Variants in LAMA4 observed in about 807,000 individuals in gnomAD.
LAMA4 encodes laminin subunit alpha 4.
A neutral mutation model predicts 207.1 loss-of-function variants in LAMA4; 127 were observed. The ratio of observed to expected loss-of-function variants is 0.61; its 90% CI spans 0.53 to 0.71. The LOEUF is 0.71. Among genes scored for constraint, LAMA4 ranks in the 30% least tolerant of loss-of-function variants. LAMA4 has a pLI of 0.00. For missense variants in LAMA4, 2,093 were observed against 2,246.5 expected (o/e 0.93, Z 1.38); for synonymous variants, 761 against 816.0 (o/e 0.93, Z 1.15).
At chr6:112,175,987 C>G (rs2114884184) in intron 10 of LAMA4, among the ~76,000 whole-genome samples, 1 of 152,178 alleles carries the variant, frequency 6.6e-6, no homozygotes, top group East Asian at 1.9e-4. Context: ...AGCTTTAAGC[C>G]CAAATGAGAG....
rs1778071559 is a variant in LAMA4, at chr6:112,117,214, T to A, written c.4981+525A>T. Among the ~76,000 whole-genome samples, 1 of 152,158 alleles carries A rather than the reference T, an allele frequency of 6.6e-6. No individual in the cohort carries two copies. The highest frequency in any genetic ancestry group is 2.4e-5 in the African/African-American group (1 of 41,420). On this transcript the variant is annotated intron_variant, in intron 35 of 38. Coordinates refer to ENST00000230538, the MANE Select transcript of LAMA4 (RefSeq NM_001105206.3). This position sits in a 1 kb window ranked among gnomAD's most constrained non-coding sequence, Gnocchi z 4.5. The stretch of plus-strand genomic sequence containing the variant: ...TTTATTTATTTTTAGAACTGTTATG[T>A]CCCATCATCTGGCATAGGGACTGCC...
At chr6:112,206,750 T>C (rs1554354380) in intron 4 of LAMA4, among the ~76,000 whole-genome samples, 1 of 152,214 alleles carries the variant, frequency 6.6e-6, no homozygotes, top group African/African-American at 2.4e-5. Flanking sequence ...GAGACTATCC[T>C]TGCTTATAAA....
chr6:112,169,858 T>C (rs1781610310), intron 12 of LAMA4, among the ~76,000 whole-genome samples: 1 of 152,238 alleles, frequency 6.6e-6, no homozygotes, highest in Non-Finnish European at 1.5e-5. Flanking sequence ...AGTCTCTTCA[T>C]ATAGGCAACA....
chr6:112,189,061 A>C, intron 7 of LAMA4, 49 bp downstream of exon 7: 1 of 1,307,502 alleles, frequency 7.6e-7, no homozygotes. Context: ...CCACACCTGC[A>C]GCACATTAGA....
Position 112,122,100 on chromosome 6 carries a change from A to G in LAMA4, c.4389T>C (p.Pro1463=), listed in dbSNP as rs782791838. The G allele has an allele frequency of 1.2e-6, 2 of 1,613,766 alleles. No individual in the cohort carries two copies. Among genetic ancestry groups the G allele is most frequent in the East Asian group, 4.5e-5 (2 of 44,870 alleles). ...RNSHCHLSNS[P]RAIEHAYQYG... ...ATTGATAGGCGTGCTCTATTGCTCTAGGGCTGTTGGAAAGGTGGCAATGAG... is the reference window on the plus strand; with the variant it reads ...ATTGATAGGCGTGCTCTATTGCTCTGGGGCTGTTGGAAAGGTGGCAATGAG... Residue 1463 remains proline, a synonymous_variant, in exon 32 of 39, where the codon CCT becomes CCC. Transcript: ENST00000230538.
chr6:112,142,365 T>C, intron 19 of LAMA4, 73 bp from the exon 20 acceptor site: 9 of 1,369,588 alleles, frequency 6.6e-6, no homozygotes, highest in Non-Finnish European at 9.4e-6. Context: ...GCTTCCCTCA[T>C]TCGTGACAGG....
At chr6:112,144,720 C>G (rs529512095) in intron 19 of LAMA4, 74 bp downstream of exon 19, 48 of 1,545,830 alleles carry the variant, frequency 3.1e-5, no homozygotes, top group Non-Finnish European at 4.1e-5. Flanking sequence ...GCTCTGGAAG[C>G]TGCCCAAGCA....
intron 18 of LAMA4, among the ~76,000 whole-genome samples, chr6:112,147,833 C>T (rs1554334854): frequency 6.6e-6 from 1 of 151,918 alleles, no homozygotes; most frequent in African/African-American, 2.4e-5. Context: ...GATTATTTAC[C>T]CAACATTTGA....
intron 25 of LAMA4, among the ~76,000 whole-genome samples, chr6:112,135,562 T>C (rs1779290681): frequency 6.6e-6 from 1 of 152,218 alleles, no homozygotes; most frequent in Non-Finnish European, 1.5e-5. Flanking sequence ...TATTAAGTTG[T>C]ATATTTAAAA....
At chr6:112,245,468 A>G (rs1334994833) in intron 2 of LAMA4, among the ~76,000 whole-genome samples, 1 of 152,186 alleles carries the variant, frequency 6.6e-6, no homozygotes, top group Non-Finnish European at 1.5e-5. Flanking sequence ...CATAGACAAC[A>G]GTGTTCCATG....
intron 18 of LAMA4, among the ~76,000 whole-genome samples, chr6:112,145,956 CTA>C (rs1375013276): frequency 1.3e-5 from 2 of 152,068 alleles, no homozygotes; most frequent in Non-Finnish European, 2.9e-5. Flanking sequence ...TTTTCCTTTT[CTA>C]TGTTTTCTTC....
At chr6:112,141,326 C>T in intron 21 of LAMA4, 32 bp downstream of exon 21, 3 of 1,607,474 alleles carry the variant, frequency 1.9e-6, no homozygotes, top group Non-Finnish European at 2.6e-6. Context: ...GTGATATGTG[C>T]ATATATGCCC....
chr6:112,182,044 C>G (rs1429679294), intron 9 of LAMA4, among the ~76,000 whole-genome samples: 4 of 151,968 alleles, frequency 2.6e-5, no homozygotes, highest in Non-Finnish European at 5.9e-5. Context: ...TTGCAGTGAG[C>G]CGAGATTGCG....
chr6:112,109,658 T>G (rs1376001164), intron 38 of LAMA4, 76 bp from the exon 39 acceptor site: 1 of 1,428,386 alleles, frequency 7.0e-7, no homozygotes, highest in Non-Finnish European at 9.8e-7. Flanking sequence ...CTGGTAAAAG[T>G]ATACATATTT....
chr6:112,135,361 TA>T (rs1170963747), intron 25 of LAMA4, among the ~76,000 whole-genome samples: 1 of 152,134 alleles, frequency 6.6e-6, no homozygotes, highest in African/African-American at 2.4e-5. Context: ...TTACCAGGTG[TA>T]ATTTTTTTGG....
At chr6:112,190,874 T>G (rs563635512) in intron 6 of LAMA4, among the ~76,000 whole-genome samples, 1 of 36,370 alleles carries the variant, frequency 2.7e-5, no homozygotes, top group African/African-American at 1.0e-4. Context: ...GGTTTCTTTT[T>G]CTTTCTTTCT....
intron 8 of LAMA4, among the ~76,000 whole-genome samples, chr6:112,185,786 C>T (rs1156529619): frequency 1.3e-5 from 2 of 152,178 alleles, no homozygotes; most frequent in Non-Finnish European, 2.9e-5. Flanking sequence ...TTATTTCAGA[C>T]CCCTGGCTTT....
In LAMA4 at chr6:112,172,778, G is replaced by A. The variant is rs1781797650; in HGVS notation, c.1384C>T (p.Arg462Trp). The A allele has an allele frequency of 8.1e-6, 13 of 1,613,824 alleles. No individual in the cohort carries two copies. The highest frequency in any genetic ancestry group is 6.6e-5 in the South Asian group (6 of 91,064). ...ELLSQAESWQ[R>W]LHNETRTLFP... Reference sequence around the variant, plus strand: ...AGAGTGCGGGTCTCATTGTGCAGCCGCTGCCAGCTCTCAGCCTGGCTCAGT... The same window carrying A: ...AGAGTGCGGGTCTCATTGTGCAGCCACTGCCAGCTCTCAGCCTGGCTCAGT... Residue 462 changes from arginine (R) to tryptophan (W), a missense_variant, in exon 12 of 39, where the codon CGG (arginine) becomes TGG (tryptophan). Coordinates refer to ENST00000230538, the MANE Select transcript of LAMA4 (RefSeq NM_001105206.3).
Position 112,114,071 on chromosome 6 carries a change from C to T in LAMA4, c.5326+5G>A, listed in dbSNP as rs1554322330. 6.2e-7 allele frequency: 1 copy of T among 1,613,830 alleles called. No homozygotes were observed. The highest frequency in any genetic ancestry group is 1.7e-5 in the Admixed American group (1 of 59,984). ...GGGAACTTTTCCTTTTTAAACAACA[C>T]TTACCTGGAACACCTCCAACAAACA... On this transcript the variant is annotated splice_donor_5th_base_variant and intron_variant, in intron 38 of 38. Coordinates refer to ENST00000230538, the MANE Select transcript of LAMA4 (RefSeq NM_001105206.3).
Sources: gnomAD v4.1 joint callset for allele counts (sites outside exome capture counted in the v4.1 genomes callset) on GRCh38, gnomAD v4.1.1 for gene constraint, Gnocchi (gnomAD v3.1) non-coding constraint, MANE v1.5 for transcripts, NCBI Gene and HGNC (gene_info 2026-07-23, HGNC 2026-07-21) for gene names.